ZNRF1: variants seen among roughly 807,000 people sequenced by gnomAD.
The protein encoded by ZNRF1 is E3 ubiquitin-protein ligase ZNRF1.
In ZNRF1, 3 loss-of-function variants were observed where a neutral mutation model predicts 18.4. That is an observed-to-expected ratio of 0.16 (90% CI 0.07 to 0.42). The LOEUF is 0.42. Ranked by LOEUF, ZNRF1 falls within the 10% of genes least tolerant of loss-of-function variation. ZNRF1 has a pLI of 0.99. For synonymous variants in ZNRF1, 157 were observed against 144.2 expected (o/e 1.09, Z -0.64); for missense variants, 310 against 329.8 (o/e 0.94, Z 0.47).
chr16:75,091,059 C>T (rs116759261), intron 1 of ZNRF1, among the ~76,000 whole-genome samples: 1 of 152,132 alleles, frequency 6.6e-6, no homozygotes, highest in African/African-American at 2.4e-5. Flanking sequence ...CCACATTCAG[C>T]CTTTTATCTG....
chr16:75,102,444 C>T lies in ZNRF1; in HGVS notation c.521-2340C>T, dbSNP rs962901855. ...ACATGTGTTTGTCATTGGCAGTGTT[C>T]GGGACAGTTAAGTTCCTTTAGTGAC... is the stretch of plus-strand genomic sequence containing the variant. On this transcript the variant is annotated intron_variant, in intron 2 of 4. Coordinates refer to ENST00000335325, the MANE Select transcript of ZNRF1 (RefSeq NM_032268.5). Among the ~76,000 whole-genome samples the T allele has an allele frequency of 2.6e-5, 4 of 152,126 alleles. No homozygotes were observed. The South Asian group carries it at 6.2e-4, about 24-fold the overall frequency.
intron 1 of ZNRF1, among the ~76,000 whole-genome samples, chr16:75,026,251 G>T (rs1290261707): frequency 6.6e-6 from 1 of 151,926 alleles, no homozygotes. Flanking sequence ...ACATTCTAAG[G>T]TTATTTATTT....
At chr16:75,075,608 G>A (rs2035930017) in intron 1 of ZNRF1, among the ~76,000 whole-genome samples, 1 of 152,174 alleles carries the variant, frequency 6.6e-6, no homozygotes, top group African/African-American at 2.4e-5. Flanking sequence ...GAAGTGTGAT[G>A]TTCATTCATC....
chr16:75,029,777 C>G (rs929067310), intron 1 of ZNRF1, among the ~76,000 whole-genome samples: 1 of 147,762 alleles, frequency 6.8e-6, no homozygotes, highest in African/African-American at 2.5e-5. Flanking sequence ...TCAGAACAAA[C>G]AAACAAAAAA....
Position 75,000,083 on chromosome 16 carries a change from A to C in ZNRF1, c.412A>C (p.Ser138Arg), listed in dbSNP as rs1231975906. The change falls in exon 1 of 5, where the codon AGC (serine) becomes CGC (arginine). Residue 138 changes from serine (S) to arginine (R), a missense_variant. Physicochemically the swap from Ser to Arg is moderately radical, Grantham distance 110 (BLOSUM62 -1). Around this residue, in one of 2 missense-constraint regions of ZNRF1, gnomAD observed 293 missense variants for 291.2 expected, o/e 1.01. Transcript: ENST00000335325. ...LPLHIAPRWFSSHSGFKCPIC... is the reference protein window; with the variant it reads ...LPLHIAPRWFRSHSGFKCPIC... ...TCTGCACATCGCACCCAGGTGGTTC[A>C]GCTCGCATAGTGGTGAGTCCGCGGG... 6.2e-7 allele frequency: 1 copy of C among 1,600,912 alleles called. No individual in the cohort carries two copies. The highest frequency in any genetic ancestry group is 8.5e-7 in the Non-Finnish European group (1 of 1,175,050).
rs2034811846 is a variant in ZNRF1, at chr16:74,999,723, G to T, written c.52G>T (p.Val18Phe). Residue 18 changes from valine (V) to phenylalanine (F), a missense_variant, in exon 1 of 5, where the codon GTC (valine) becomes TTC (phenylalanine). Physicochemically the swap from Val to Phe is conservative, Grantham distance 50. This residue lies in a region of ZNRF1 where 293 missense variants were observed against 291.2 expected (regional missense o/e 1.01). Coordinates refer to ENST00000335325, the MANE Select transcript of ZNRF1 (RefSeq NM_032268.5). ...CCGCTCCCGGGGCCCCTTCCCGGGG[G>T]TCTCCACCGATGACAGCGCCGTGCC... ...AARSRGPFPG[V>F]STDDSAVPPP... is the part of the protein sequence containing the mutation. The T allele has an allele frequency of 2.2e-6, 3 of 1,379,082 alleles. No homozygotes were observed. Among genetic ancestry groups the T allele is most frequent in the South Asian group, 1.6e-5 (1 of 60,716 alleles). The allele number at this position is 1,379,082 out of a possible 1,614,324, so 85.4% of individuals were successfully genotyped here.
intron 1 of ZNRF1, chr16:75,002,163 C>G (rs563640795): frequency 1.3e-5 from 2 of 152,214 alleles, no homozygotes; most frequent in South Asian, 4.1e-4. Flanking sequence ...TGGTATCACT[C>G]TGGTTGAGAA....
chr16:75,067,325 T>C (rs916672846), intron 1 of ZNRF1, among the ~76,000 whole-genome samples: 2 of 152,158 alleles, frequency 1.3e-5, no homozygotes, highest in Non-Finnish European at 2.9e-5. Context: ...GGTGGGAAGG[T>C]CACTCTAGGT....
At chr16:75,010,133 C>T (rs1427462114) in intron 1 of ZNRF1, among the ~76,000 whole-genome samples, 2 of 152,082 alleles carry the variant, frequency 1.3e-5, no homozygotes, top group Non-Finnish European at 2.9e-5. Flanking sequence ...TAGGCGCCTA[C>T]CATCATGCCC....
intron 1 of ZNRF1, among the ~76,000 whole-genome samples, chr16:75,061,428 T>G (rs1162537904): frequency 2.6e-5 from 4 of 152,156 alleles, no homozygotes; most frequent in Admixed American, 2.0e-4. Context: ...TTTCCTGGCT[T>G]ATTTCACTTA....
chr16:75,024,904 G>T (rs1290416303), intron 1 of ZNRF1, among the ~76,000 whole-genome samples: 1 of 152,144 alleles, frequency 6.6e-6, no homozygotes, highest in Non-Finnish European at 1.5e-5. Flanking sequence ...GATCCCTCTG[G>T]TGTATATGTC....
intron 1 of ZNRF1, among the ~76,000 whole-genome samples, chr16:75,031,870 G>T (rs763255584): frequency 6.6e-6 from 1 of 152,058 alleles, no homozygotes; most frequent in Admixed American, 6.6e-5. Context: ...GGATCTACCC[G>T]GTAGAAATGC....
chr16:75,000,248 A>C (rs1354265531), intron 1 of ZNRF1, 153 bp downstream of exon 1: 2 of 1,123,186 alleles, frequency 1.8e-6, no homozygotes, highest in African/African-American at 3.1e-5. Context: ...TGGGATACCT[A>C]CCGTCTGGAA....
At chr16:75,017,289 A>G (rs140859682) in intron 1 of ZNRF1, among the ~76,000 whole-genome samples, 1 of 152,370 alleles carries the variant, frequency 6.6e-6, no homozygotes, top group East Asian at 1.9e-4. Flanking sequence ...GAGTTTATCA[A>G]TAAGCCATTT....
At chr16:75,097,858 C>T (rs993420117) in intron 2 of ZNRF1, among the ~76,000 whole-genome samples, 4 of 152,164 alleles carry the variant, frequency 2.6e-5, no homozygotes, top group African/African-American at 9.7e-5. Context: ...GACCTGGCTT[C>T]CTGGAAAAGC....
At chr16:75,005,060 C>G (rs1029323044) in intron 1 of ZNRF1, among the ~76,000 whole-genome samples, 1 of 152,108 alleles carries the variant, frequency 6.6e-6, no homozygotes, top group Non-Finnish European at 1.5e-5. Flanking sequence ...TGGAGTGAAT[C>G]AGAAAGCCTT....
At chr16:75,071,614 A>C (rs1484211608) in intron 1 of ZNRF1, among the ~76,000 whole-genome samples, 1 of 152,210 alleles carries the variant, frequency 6.6e-6, no homozygotes, top group African/African-American at 2.4e-5. Flanking sequence ...ACTCTGGGTC[A>C]GAACAGTCCC....
chr16:75,028,672 C>A (rs919328546), intron 1 of ZNRF1, among the ~76,000 whole-genome samples: 1 of 152,238 alleles, frequency 6.6e-6, no homozygotes, highest in African/African-American at 2.4e-5. Flanking sequence ...TTCCATCCTC[C>A]TTGAATCCAC....
At chr16:75,002,010 G>A (rs899955710) in intron 1 of ZNRF1, among the ~76,000 whole-genome samples, 1 of 152,128 alleles carries the variant, frequency 6.6e-6, no homozygotes, top group African/African-American at 2.4e-5. Context: ...AATATTGTAG[G>A]TAATCCATTC....
Sources: allele counts gnomAD v4.1 joint callset (sites outside exome capture counted in the v4.1 genomes callset), GRCh38; gene constraint gnomAD v4.1.1; regional missense constraint gnomAD v4.1.1; transcripts MANE v1.5; gene names NCBI Gene and HGNC (gene_info 2026-07-23, HGNC 2026-07-21).